Variants in ZC3H15 observed in about 807,000 individuals in gnomAD.
ZC3H15 encodes zinc finger CCCH domain-containing protein 15.
In ZC3H15, 15 loss-of-function variants were observed where a neutral mutation model predicts 51.2. That is an observed-to-expected ratio of 0.29 (90% CI 0.20 to 0.45). The LOEUF (loss-of-function observed/expected upper bound fraction) is 0.45. Ranked by LOEUF, ZC3H15 falls within the 20% of genes least tolerant of loss-of-function variation. The probability of loss-of-function intolerance (pLI) is 1.00; values close to 1 mark genes in which losing one functional copy is unlikely to be tolerated. For missense variants in ZC3H15, 381 were observed against 494.7 expected (o/e 0.77, Z 2.18); for synonymous variants, 144 against 162.8 (o/e 0.88, Z 0.88).
chr2:186,494,710 TATCGC>T (rs1197960052), intron 1 of ZC3H15, among the ~76,000 whole-genome samples: 1 of 152,144 alleles, frequency 6.6e-6, no homozygotes, highest in Non-Finnish European at 1.5e-5. Context: ...CTTAGCAAAC[TATCGC>T]AAGGACAAAA....
rs539857206 is a variant in ZC3H15 at position 186,490,694 on chromosome 2, A to C, written c.75+4237A>C. On this transcript the variant is annotated intron_variant, in intron 1 of 9. Transcript: ENST00000337859. ...CCCTTCCGCTGCTTCCCTTTTTCCA[A>C]ACATCTTATTTAAGCAGTGGAGGCT... Among the ~76,000 whole-genome samples, 10 of 152,232 alleles carry C rather than the reference A, an allele frequency of 6.6e-5. No homozygotes were observed. The East Asian group carries it at 1.9e-3, about 29-fold the overall frequency.
intron 7 of ZC3H15, 65 bp downstream of exon 7, chr2:186,505,662 G>A: frequency 1.2e-6 from 2 of 1,603,236 alleles, no homozygotes; most frequent in South Asian, 2.2e-5. Flanking sequence ...TGTCATGCAA[G>A]ATTTTGTTTC....
chr2:186,501,362 CTG>C lies in ZC3H15; in HGVS notation c.380_381del (p.Leu127ArgfsTer5), dbSNP rs766408628. ...GTGTAAGTTCTCCCATGACTTGACTCTGGAGAGAAAATGTGAAAAGCGAAGTG... is the reference window on the plus strand; with the variant it reads ...GTGTAAGTTCTCCCATGACTTGACTCGAGAGAAAATGTGAAAAGCGAAGTG... Reference protein sequence around the residue: ...DKCKFSHDLTLERKCEKRSVY... With the variant: ...DKCKFSHDLTXERKCEKRSVY... On this transcript the variant is annotated frameshift_variant, in exon 4 of 10. Coordinates refer to ENST00000337859, the MANE Select transcript of ZC3H15 (RefSeq NM_018471.3). LOFTEE classifies it high-confidence loss of function. The C allele has an allele frequency of 6.2e-7, 1 of 1,613,860 alleles. No individual in the cohort carries two copies. The highest frequency in any genetic ancestry group is 1.7e-5 in the Admixed American group (1 of 60,016).
At chr2:186,500,424 TTACC>T in intron 3 of ZC3H15, 131 bp downstream of exon 3, 1 of 806,222 alleles carries the variant, frequency 1.2e-6, no homozygotes, top group Non-Finnish European at 2.0e-6. Context: ...TCCATCAAAA[TTACC>T]TATGTCAGTG....
chr2:186,490,547 C>G (rs1274120421), intron 1 of ZC3H15, among the ~76,000 whole-genome samples: 1 of 152,134 alleles, frequency 6.6e-6, no homozygotes, highest in East Asian at 1.9e-4. Flanking sequence ...GGATGGACAA[C>G]AAGAATACAT....
At chr2:186,500,112 A>G in intron 2 of ZC3H15, 70 bp from the exon 3 acceptor site, 1 of 1,308,954 alleles carries the variant, frequency 7.6e-7, no homozygotes, top group Non-Finnish European at 1.1e-6. Flanking sequence ...TGTTATGGTA[A>G]TGCTAACTTT....
intron 1 of ZC3H15, among the ~76,000 whole-genome samples, chr2:186,490,409 C>T (rs1685176621): frequency 6.6e-6 from 1 of 152,154 alleles, no homozygotes; most frequent in Non-Finnish European, 1.5e-5. Context: ...CCTATAGAGA[C>T]AGGATCCAGG....
At position 186,502,606 on chromosome 2, in the gene ZC3H15, T is replaced by C; in HGVS notation, c.534+19T>C. ...TCAAATAGTATGTCCTTTTCTTGAATTGAGTTGCTGTGATATTTATCATTA... is the reference window on the plus strand; with the variant it reads ...TCAAATAGTATGTCCTTTTCTTGAACTGAGTTGCTGTGATATTTATCATTA... On this transcript the variant is annotated intron_variant, in intron 5 of 9. Transcript: ENST00000337859. The C allele has an allele frequency of 1.3e-6, 2 of 1,583,612 alleles. No homozygotes were observed. Among genetic ancestry groups the C allele is most frequent in the South Asian group, 1.1e-5 (1 of 88,502 alleles).
At chr2:186,505,626 C>G (rs1340329616) in intron 7 of ZC3H15, 29 bp downstream of exon 7, 8 of 1,597,144 alleles carry the variant, frequency 5.0e-6, no homozygotes, top group African/African-American at 1.3e-5. Flanking sequence ...CAAACTGATT[C>G]TTTATTCTTC....
At chr2:186,501,791 A>G (rs922245182) in intron 4 of ZC3H15, among the ~76,000 whole-genome samples, 2 of 151,542 alleles carry the variant, frequency 1.3e-5, no homozygotes, top group Non-Finnish European at 1.5e-5. Flanking sequence ...AGCTCACTGC[A>G]GTCTCCATCT....
chr2:186,491,713 A>C (rs1685201905), intron 1 of ZC3H15, among the ~76,000 whole-genome samples: 1 of 152,132 alleles, frequency 6.6e-6, no homozygotes, highest in Non-Finnish European at 1.5e-5. Flanking sequence ...TAATGACTTA[A>C]CTTCAAATGA....
intron 2 of ZC3H15, among the ~76,000 whole-genome samples, chr2:186,496,231 A>C (rs764599939): frequency 1.3e-5 from 2 of 152,108 alleles, no homozygotes; most frequent in Admixed American, 6.6e-5. Flanking sequence ...AATTTATTTT[A>C]TATATCTTAA....
Position 186,508,857 on chromosome 2 carries a change from C to T in ZC3H15, c.*124C>T, listed in dbSNP as rs1685509732. ...CTATGCTGATTCTGGAGGAGTTAAC[C>T]TCCTGCAAAAAAGGCATCTTGTCCC... On this transcript the variant is annotated 3_prime_UTR_variant, in exon 10 of 10. Transcript: ENST00000337859. 9.0e-7 allele frequency: 1 copy of T among 1,112,910 alleles called. No homozygotes were observed. The highest frequency in any genetic ancestry group is 2.5e-5 in the Admixed American group (1 of 40,528). 68.9% of individuals were successfully genotyped at this position (1,112,910 alleles called of 1,614,324 possible).
chr2:186,491,295 G>A (rs1246690170), intron 1 of ZC3H15, among the ~76,000 whole-genome samples: 1 of 152,078 alleles, frequency 6.6e-6, no homozygotes, highest in Non-Finnish European at 1.5e-5. Context: ...GCCCAGACAA[G>A]GTTCTCAGTG....
In ZC3H15 at chr2:186,505,845, AGAG is replaced by A; in HGVS notation, c.966+7_966+9del. 2 of 1,613,370 alleles carry A rather than the reference AGAG, an allele frequency of 1.2e-6. No individual in the cohort carries two copies. The highest frequency in any genetic ancestry group is 1.7e-6 in the Non-Finnish European group (2 of 1,179,668). ...CCAGGGAACAGGTGGTGATGAGGTA[AGAG>A]GAAGCTTTGTGCCTCATCTCCTTAT... is the stretch of plus-strand genomic sequence containing the variant. On this transcript the variant is annotated splice_donor_5th_base_variant and intron_variant, in intron 8 of 9. Transcript: ENST00000337859.
At position 186,505,532 on chromosome 2, in the gene ZC3H15, A is replaced by G; in HGVS notation, c.799A>G (p.Ile267Val). The change falls in exon 7 of 10, where the codon ATT (isoleucine) becomes GTT (valine). Residue 267 changes from isoleucine (I) to valine (V), a missense_variant. Around this residue, in one of 3 missense-constraint regions of ZC3H15, gnomAD observed 215 missense variants for 241.8 expected, o/e 0.89. Coordinates refer to ENST00000337859, the MANE Select transcript of ZC3H15 (RefSeq NM_018471.3). ...AWKKRKRQEK[I>V]DKLEQDMERR... is the part of the protein sequence containing the mutation. ...GAAGAAAAGGAAAAGACAAGAAAAGATTGATAAACTTGAACAAGATATGGA... is the reference window on the plus strand; with the variant it reads ...GAAGAAAAGGAAAAGACAAGAAAAGGTTGATAAACTTGAACAAGATATGGA... 3 of 1,606,238 alleles carry G rather than the reference A, an allele frequency of 1.9e-6. No homozygotes were observed. The highest frequency in any genetic ancestry group is 2.5e-6 in the Non-Finnish European group (3 of 1,177,832).
At chr2:186,506,625 G>C in intron 8 of ZC3H15, 88 bp from the exon 9 acceptor site, 2 of 1,423,924 alleles carry the variant, frequency 1.4e-6, no homozygotes, top group South Asian at 2.7e-5. Flanking sequence ...TTGGATCAGT[G>C]ATAATTTTGG....
chr2:186,504,416 T>C (rs541740013), intron 6 of ZC3H15, among the ~76,000 whole-genome samples: 1 of 152,324 alleles, frequency 6.6e-6, no homozygotes, highest in East Asian at 1.9e-4. Flanking sequence ...ATGACATTAA[T>C]TTTAGGATTG....
At chr2:186,499,613 A>C (rs1200541397) in intron 2 of ZC3H15, 3 of 455,444 alleles carry the variant, frequency 6.6e-6, no homozygotes, top group African/African-American at 6.0e-5. Flanking sequence ...CTGTCATCTA[A>C]CATAGGACCT....
Sources: allele counts gnomAD v4.1 joint callset (sites outside exome capture counted in the v4.1 genomes callset), GRCh38; gene constraint gnomAD v4.1.1; regional missense constraint gnomAD v4.1.1; transcripts MANE v1.5; gene names NCBI Gene and HGNC (gene_info 2026-07-23, HGNC 2026-07-21).